LRBA: variants seen among roughly 807,000 people sequenced by gnomAD.
LRBA encodes the protein LPS responsive beige-like anchor protein.
A neutral mutation model predicts 330.0 loss-of-function variants in LRBA; 176 were observed. The ratio of observed to expected loss-of-function variants is 0.53; its 90% CI spans 0.47 to 0.60. The LOEUF (loss-of-function observed/expected upper bound fraction) is 0.60. Ranked by LOEUF, LRBA falls within the 20% of genes least tolerant of loss-of-function variation. The pLI is 0.00. For synonymous variants in LRBA, 1,230 were observed against 1,193.0 expected (o/e 1.03, Z -0.64); for missense variants, 3,259 against 3,444.8 (o/e 0.95, Z 1.35).
At chr4:150,618,503 C>T (rs1001590862) in intron 37 of LRBA, among the ~76,000 whole-genome samples, 13 of 152,094 alleles carry the variant, frequency 8.5e-5, no homozygotes, top group African/African-American at 3.1e-4. Context: ...TGAGTTGTAG[C>T]TCTTCTCTTT....
intron 36 of LRBA, among the ~76,000 whole-genome samples, chr4:150,701,236 A>G (rs572290306): frequency 6.6e-6 from 1 of 152,310 alleles, no homozygotes; most frequent in African/African-American, 2.4e-5. Context: ...CTCATCTCCT[A>G]TGATGACAAT....
chr4:150,910,196 G>A (rs1171007702), intron 9 of LRBA, among the ~76,000 whole-genome samples: 2 of 152,114 alleles, frequency 1.3e-5, no homozygotes, highest in Non-Finnish European at 2.9e-5. Context: ...TTGGTTGCCT[G>A]TACTTTCGGT....
At position 150,883,184 on chromosome 4, in the gene LRBA, G is replaced by A. The variant is rs11932186; in HGVS notation, c.2165+9868C>T. Among the ~76,000 whole-genome samples, 986 of 152,212 alleles carry A rather than the reference G, an allele frequency of 6.5e-3. 9 individuals carry two copies. Among genetic ancestry groups the A allele is most frequent in the African/African-American group, 0.023 (944 of 41,510 alleles). On this transcript the variant is annotated intron_variant, in intron 17 of 56. Coordinates refer to ENST00000651943, the MANE Select transcript of LRBA (RefSeq NM_001364905.1). Reference sequence around the variant, plus strand: ...CTTCAAAAATTATGGTTCTAGGCCGGGAGTGGTGGCTCACGCATGTAATCC... The same window carrying A: ...CTTCAAAAATTATGGTTCTAGGCCGAGAGTGGTGGCTCACGCATGTAATCC...
At chr4:150,668,509 A>G (rs1781764152) in intron 37 of LRBA, among the ~76,000 whole-genome samples, 1 of 152,232 alleles carries the variant, frequency 6.6e-6, no homozygotes, top group Non-Finnish European at 1.5e-5. Flanking sequence ...TAAATCCCAC[A>G]AAAGAGAATG....
At chr4:150,880,340 T>C (rs1012850720) in intron 17 of LRBA, among the ~76,000 whole-genome samples, 1 of 152,046 alleles carries the variant, frequency 6.6e-6, no homozygotes, top group Non-Finnish European at 1.5e-5. Context: ...GGCAACGTGG[T>C]GAAACTCTGT....
At chr4:150,925,261 T>C (rs930182485) in intron 4 of LRBA, among the ~76,000 whole-genome samples, 4 of 152,180 alleles carry the variant, frequency 2.6e-5, no homozygotes, top group Non-Finnish European at 4.4e-5. Context: ...TATTACTCCA[T>C]GTACTGATTC....
chr4:150,695,308 A>T (rs905926819), intron 36 of LRBA, among the ~76,000 whole-genome samples: 10 of 152,140 alleles, frequency 6.6e-5, no homozygotes, highest in African/African-American at 2.4e-4. Flanking sequence ...ACATCTACAG[A>T]TTCGACCAAA....
chr4:150,426,036 T>C (rs1172522090), intron 46 of LRBA, among the ~76,000 whole-genome samples: 4 of 152,048 alleles, frequency 2.6e-5, no homozygotes, highest in Non-Finnish European at 4.4e-5. Context: ...ATAATGTGCA[T>C]GTTTTGATAC....
chr4:150,797,550 G>A (rs1740971978), intron 34 of LRBA, among the ~76,000 whole-genome samples: 1 of 151,790 alleles, frequency 6.6e-6, no homozygotes, highest in Non-Finnish European at 1.5e-5. Context: ...ACAAGGTTTT[G>A]GAACACCTAA....
At chr4:150,339,392 C>T (rs1184234322) in intron 48 of LRBA, among the ~76,000 whole-genome samples, 1 of 152,118 alleles carries the variant, frequency 6.6e-6, no homozygotes, top group Non-Finnish European at 1.5e-5. Flanking sequence ...AACGCAATTA[C>T]AAAAGACCTC....
At chr4:150,737,041 C>T (rs114762478) in intron 35 of LRBA, among the ~76,000 whole-genome samples, 2,147 of 152,180 alleles carry the variant, frequency 0.014, 39 homozygotes, top group African/African-American at 0.049. Context: ...TAGTGAGATC[C>T]CATCTCTACC....
intron 44 of LRBA, among the ~76,000 whole-genome samples, chr4:150,445,724 A>G (rs1752541611): frequency 6.6e-6 from 1 of 152,078 alleles, no homozygotes; most frequent in Non-Finnish European, 1.5e-5. Context: ...ACATGCAGTG[A>G]TACAGCCATA....
Position 150,850,869 on chromosome 4 carries a change from T to C in LRBA, c.3859A>G (p.Ile1287Val), listed in dbSNP as rs118037378. ...SRQHEQPGQG[I>V]APDAVNGQRR... ...TGTCCATTAACTGCATCTGGTGCTA[T>C]TCCTTGCCCTGGCTGCTCATGTTGC... The change falls in exon 24 of 57, where the codon ATA (isoleucine) becomes GTA (valine). Residue 1287 changes from isoleucine (I) to valine (V), a missense_variant. Physicochemically the swap from Ile to Val is conservative, Grantham distance 29 (BLOSUM62 3). Coordinates refer to ENST00000651943, the MANE Select transcript of LRBA (RefSeq NM_001364905.1). The C allele has an allele frequency of 1.3e-3, 2,037 of 1,612,194 alleles. 27 individuals carry two copies. The highest frequency in any genetic ancestry group is 1.4e-3 in the East Asian group (64 of 44,810).
In LRBA at chr4:150,583,100, A is replaced by G; in HGVS notation, c.6330+4948T>C. ...TACACTGAGCGCTGTCAGGCGCGCA[A>G]GGCGGCCATCGCCAAAACCATCCGA... On this transcript the variant is annotated intron_variant, in intron 40 of 56. Transcript: ENST00000651943. The surrounding 1 kb of genome is among the most constrained non-coding windows in gnomAD (Gnocchi z 9.8). 1 of 1,614,192 alleles carries G rather than the reference A, an allele frequency of 6.2e-7. No individual in the cohort carries two copies. Among genetic ancestry groups the G allele is most frequent in the South Asian group, 1.1e-5 (1 of 91,086 alleles).
At chr4:150,917,587 G>C (rs948241784) in intron 5 of LRBA, among the ~76,000 whole-genome samples, 2 of 152,054 alleles carry the variant, frequency 1.3e-5, no homozygotes. Context: ...TTATTTAAAA[G>C]ATCATACTAC....
chr4:150,774,129 C>G (rs1736947975), intron 34 of LRBA, among the ~76,000 whole-genome samples: 1 of 152,126 alleles, frequency 6.6e-6, no homozygotes, highest in African/African-American at 2.4e-5. Flanking sequence ...ATTTTGCCAA[C>G]AAGGATGTTT....
intron 48 of LRBA, among the ~76,000 whole-genome samples, chr4:150,338,652 A>G (rs555247694): frequency 1.3e-5 from 2 of 152,260 alleles, no homozygotes; most frequent in Admixed American, 1.3e-4. Context: ...AGACAGCCAC[A>G]TGATTGGAAA....
In LRBA at chr4:150,583,626, G is replaced by T; in HGVS notation, c.6330+4422C>A. On this transcript the variant is annotated intron_variant, in intron 40 of 56. Transcript: ENST00000651943. The surrounding 1 kb of genome is among the most constrained non-coding windows in gnomAD (Gnocchi z 9.8). ...ACATCCCTTGGCCCGGCCCCAATCG[G>T]GTGGCCGAGGTCAAGGCCGAAGGGT... The T allele has an allele frequency of 6.2e-7, 1 of 1,613,996 alleles. No individual in the cohort carries two copies. The highest frequency in any genetic ancestry group is 8.5e-7 in the Non-Finnish European group (1 of 1,180,024).
intron 47 of LRBA, among the ~76,000 whole-genome samples, chr4:150,406,229 A>C (rs1184255241): frequency 2.6e-5 from 4 of 152,170 alleles, no homozygotes; most frequent in Non-Finnish European, 5.9e-5. Context: ...GAAAATAATT[A>C]ATAAAATGGT....
Sources: allele counts gnomAD v4.1 joint callset (sites outside exome capture counted in the v4.1 genomes callset), GRCh38; gene constraint gnomAD v4.1.1; non-coding constraint Gnocchi (gnomAD v3.1); transcripts MANE v1.5; gene names NCBI Gene and HGNC (gene_info 2026-07-23, HGNC 2026-07-21).